The following STXBP5L variants were observed in gnomAD, a reference collection of about 807,000 sequenced individuals.
STXBP5L encodes the protein syntaxin-binding protein 5-like.
STXBP5L carries 65 observed loss-of-function variants against 144.5 expected under a neutral mutation model. That is an observed-to-expected ratio of 0.45 (90% CI 0.37 to 0.55). The LOEUF (loss-of-function observed/expected upper bound fraction) is 0.55, where lower values mean the gene tolerates loss of function less well. STXBP5L is among the 20% of genes least tolerant of loss of function. The pLI is 0.00. For synonymous variants in STXBP5L, 505 were observed against 469.6 expected, an observed-to-expected ratio of 1.08 and a Z score of -0.97; for missense variants, 1,298 against 1,405.5, an observed-to-expected ratio of 0.92 and a Z score of 1.22.
chr3:121,394,927 A>G (rs1272021665), intron 22 of STXBP5L, among the ~76,000 whole-genome samples: 1 of 152,182 alleles, frequency 6.6e-6, no homozygotes, highest in East Asian at 1.9e-4. Flanking sequence ...AAATTCACTG[A>G]AGAAAAATGA....
At chr3:121,382,571 A>T (rs1048951958) in intron 22 of STXBP5L, among the ~76,000 whole-genome samples, 2 of 152,136 alleles carry the variant, frequency 1.3e-5, no homozygotes, top group East Asian at 1.9e-4. Context: ...TTAACTCAAT[A>T]AAAGATTATA....
chr3:121,413,112 TC>T, intron 23 of STXBP5L, 45 bp from the exon 24 acceptor site: 1 of 1,379,652 alleles, frequency 7.2e-7, no homozygotes, highest in East Asian at 2.6e-5. Flanking sequence ...AATATCTGCT[TC>T]TAACAACCTG....
At chr3:121,190,233 C>G (rs2047586611) in intron 9 of STXBP5L, among the ~76,000 whole-genome samples, 2 of 152,128 alleles carry the variant, frequency 1.3e-5, no homozygotes, top group African/African-American at 4.8e-5. Context: ...TCCCTGGGAA[C>G]TAGGGATTAG....
At chr3:120,971,655 A>C (rs1270217286) in intron 3 of STXBP5L, among the ~76,000 whole-genome samples, 3 of 151,834 alleles carry the variant, frequency 2.0e-5, no homozygotes, top group Admixed American at 6.6e-5. Context: ...ACACACACAC[A>C]CACACACATA....
At chr3:121,366,232 C>T (rs2045861260) in intron 20 of STXBP5L, among the ~76,000 whole-genome samples, 1 of 151,788 alleles carries the variant, frequency 6.6e-6, no homozygotes, top group Non-Finnish European at 1.5e-5. Context: ...AATGCGTATA[C>T]TTTTGTTGAT....
At chr3:121,056,957 A>AG (rs1948503534) in intron 5 of STXBP5L, among the ~76,000 whole-genome samples, 1 of 150,668 alleles carries the variant, frequency 6.6e-6, no homozygotes, top group South Asian at 2.1e-4. Context: ...TATTATAAAG[A>AG]GGGAAAAAAG....
chr3:121,162,469 A>G (rs2046359458), intron 9 of STXBP5L, among the ~76,000 whole-genome samples: 1 of 152,204 alleles, frequency 6.6e-6, no homozygotes, highest in African/African-American at 2.4e-5. Flanking sequence ...TAAAAACCCT[A>G]GAAGAAAACC....
At chr3:121,190,284 A>G (rs377188564) in intron 9 of STXBP5L, among the ~76,000 whole-genome samples, 122 of 152,306 alleles carry the variant, frequency 8.0e-4, no homozygotes, top group Middle Eastern at 3.4e-3. Context: ...GCCTTCAAGC[A>G]TCTGTTTAAC....
chr3:121,249,969 A>G lies in STXBP5L; in HGVS notation c.1401-754A>G, dbSNP rs573028219. Among the ~76,000 whole-genome samples, 6 of 152,036 alleles carry G rather than the reference A, an allele frequency of 3.9e-5. No homozygotes were observed. The South Asian group carries it at 1.0e-3, about 26-fold the overall frequency. ...ATGACTATATGGATTTTCTTTTGTA[A>G]TCTGTCAATATGGTGAATTTTAATA... On this transcript the variant is annotated intron_variant, in intron 14 of 26. Coordinates refer to ENST00000471454, the MANE Select transcript of STXBP5L (RefSeq NM_001308330.2).
intron 9 of STXBP5L, among the ~76,000 whole-genome samples, chr3:121,159,194 TA>T (rs1379245391): frequency 7.2e-5 from 11 of 151,982 alleles, no homozygotes; most frequent in Admixed American, 3.3e-4. Context: ...TCTTTAAATG[TA>T]ATATTATTAA....
intron 3 of STXBP5L, among the ~76,000 whole-genome samples, chr3:120,984,632 C>CTTTTTTTTTTTTTTTTTTTTTTT (rs35656223): frequency 2.9e-4 from 21 of 71,964 alleles, no homozygotes; most frequent in African/African-American, 7.4e-4. Context: ...TCTTTCTTTC[C>CTTTTTTTTTTTTTTTTTTTTTTT]TTTTTTTTTT....
chr3:121,139,076 A>G (rs936449939), intron 7 of STXBP5L, among the ~76,000 whole-genome samples: 22 of 152,024 alleles, frequency 1.4e-4, no homozygotes, highest in Admixed American at 3.9e-4. Flanking sequence ...ATTAGAAACT[A>G]GGAAGAGTAG....
At chr3:121,019,683 A>G in intron 3 of STXBP5L, among the ~76,000 whole-genome samples, 1 of 152,152 alleles carries the variant, frequency 6.6e-6, no homozygotes, top group Non-Finnish European at 1.5e-5. Flanking sequence ...TAACAATCGC[A>G]CAGTTTGGCT....
chr3:121,225,902 A>G lies in STXBP5L; in HGVS notation c.1111+2745A>G, dbSNP rs530695799. ...CCCTTGAGAGACTTCTCAGGTTGGT[A>G]TAAATTTTCCAACAGGGCCTTAGCT... On this transcript the variant is annotated intron_variant, in intron 11 of 26. Transcript: ENST00000471454. Among the ~76,000 whole-genome samples, 15 of 152,330 alleles carry G rather than the reference A, an allele frequency of 9.8e-5. No individual in the cohort carries two copies. In the East Asian group the frequency reaches 2.9e-3, roughly 29 times the overall value.
intron 3 of STXBP5L, among the ~76,000 whole-genome samples, chr3:120,994,937 G>T (rs1325392596): frequency 1.3e-5 from 2 of 151,884 alleles, no homozygotes; most frequent in Non-Finnish European, 2.9e-5. Context: ...TTTTATTACT[G>T]ATTCAATCTT....
chr3:120,969,430 T>C (rs1250830154), intron 3 of STXBP5L, among the ~76,000 whole-genome samples: 1 of 151,546 alleles, frequency 6.6e-6, no homozygotes, highest in Non-Finnish European at 1.5e-5. Flanking sequence ...TTTGTTTGAG[T>C]TCCTTGTAGA....
intron 3 of STXBP5L, among the ~76,000 whole-genome samples, chr3:121,005,382 G>A (rs1944197440): frequency 1.3e-5 from 2 of 152,134 alleles, no homozygotes; most frequent in Admixed American, 1.3e-4. Flanking sequence ...GTATTTCTGT[G>A]TGAACGGTGG....
intron 5 of STXBP5L, among the ~76,000 whole-genome samples, chr3:121,053,401 T>G (rs1313988992): frequency 3.3e-5 from 5 of 151,916 alleles, no homozygotes; most frequent in Non-Finnish European, 7.4e-5. Context: ...GAGATATAGA[T>G]CAATGGAACA....
At chr3:121,297,759 G>A (rs753632945) in intron 19 of STXBP5L, among the ~76,000 whole-genome samples, 1 of 152,058 alleles carries the variant, frequency 6.6e-6, no homozygotes, top group Non-Finnish European at 1.5e-5. Flanking sequence ...GCTCCCAACC[G>A]CCAAAAGAAT....
Sources: gnomAD v4.1 joint callset for allele counts (sites outside exome capture counted in the v4.1 genomes callset) on GRCh38, gnomAD v4.1.1 for gene constraint, MANE v1.5 for transcripts, NCBI Gene and HGNC (gene_info 2026-07-23, HGNC 2026-07-21) for gene names.